The following DLG2 variants were observed in gnomAD, a reference collection of about 807,000 sequenced individuals.
DLG2 encodes disks large homolog 2.
DLG2 carries 45 observed loss-of-function variants against 132.5 expected under a neutral mutation model. The ratio of observed to expected loss-of-function variants is 0.34; its 90% CI spans 0.27 to 0.44. The LOEUF is 0.44. Ranked by LOEUF, DLG2 falls within the 20% of genes least tolerant of loss-of-function variation. DLG2 has a pLI of 1.00. For missense variants in DLG2, 1,045 were observed against 1,196.9 expected (o/e 0.87, Z 1.87); for synonymous variants, 424 against 419.6 (o/e 1.01, Z -0.13).
At chr11:84,819,358 C>T (rs1464325314) in intron 6 of DLG2, among the ~76,000 whole-genome samples, 2 of 151,886 alleles carry the variant, frequency 1.3e-5, no homozygotes, top group East Asian at 1.9e-4. Flanking sequence ...CCAGGACTTC[C>T]AGTGCATGTC....
intron 6 of DLG2, among the ~76,000 whole-genome samples, chr11:84,883,905 T>A (rs1444924113): frequency 6.6e-6 from 1 of 152,026 alleles, no homozygotes; most frequent in Non-Finnish European, 1.5e-5. Flanking sequence ...GAATTTTAAG[T>A]CCTTTTGGCA....
At chr11:83,875,717 A>G (rs1207113458) in intron 15 of DLG2, among the ~76,000 whole-genome samples, 3 of 152,192 alleles carry the variant, frequency 2.0e-5, no homozygotes, top group South Asian at 2.1e-4. Flanking sequence ...ATATATACAT[A>G]TATGTATAAA....
intron 3 of DLG2, chr11:85,336,362 A>AT (rs2082131061): frequency 1.3e-5 from 2 of 152,864 alleles, no homozygotes; most frequent in African/African-American, 4.8e-5. Flanking sequence ...TGCCATTGAG[A>AT]TCCCCCCCTG....
At chr11:85,602,021 T>C (rs645798) in intron 2 of DLG2, among the ~76,000 whole-genome samples, 26,622 of 152,198 alleles carry the variant, frequency 0.17, 2,985 homozygotes, top group Non-Finnish European at 0.25. Context: ...CATATCCAGC[T>C]GAATGCTCAA....
intron 6 of DLG2, among the ~76,000 whole-genome samples, chr11:84,757,572 T>A (rs11234159): frequency 1.3e-5 from 2 of 152,258 alleles, no homozygotes; most frequent in East Asian, 3.9e-4. Flanking sequence ...TTGCCTAATG[T>A]CCTCCAAAGA....
intron 6 of DLG2, among the ~76,000 whole-genome samples, chr11:84,555,644 G>A (rs892315530): frequency 1.1e-4 from 16 of 152,214 alleles, no homozygotes; most frequent in Non-Finnish European, 2.2e-4. Flanking sequence ...TAAAATGGTA[G>A]TTATCAGGGA....
In DLG2 at chr11:84,951,964, T is replaced by C. The variant is rs1048659187; in HGVS notation, c.357+159697A>G. Among the ~76,000 whole-genome samples, 4 of 152,300 alleles carry C rather than the reference T, an allele frequency of 2.6e-5. No individual in the cohort carries two copies. The East Asian group carries it at 7.7e-4, about 29-fold the overall frequency. Reference sequence around the variant, plus strand: ...GCTTGACTTACTGGGAAACCAGTCATTGAATATGTGGATTTAGAAACTGCA... The same window carrying C: ...GCTTGACTTACTGGGAAACCAGTCACTGAATATGTGGATTTAGAAACTGCA... On this transcript the variant is annotated intron_variant, in intron 6 of 27. Transcript: ENST00000376104.
intron 3 of DLG2, among the ~76,000 whole-genome samples, chr11:85,426,721 TCTC>T (rs1238568976): frequency 1.3e-5 from 2 of 151,898 alleles, no homozygotes; most frequent in Non-Finnish European, 2.9e-5. Flanking sequence ...TCAGAGCACC[TCTC>T]CTCCTCCAAA....
intron 7 of DLG2, among the ~76,000 whole-genome samples, chr11:84,406,668 T>C (rs1304010928): frequency 6.6e-6 from 1 of 152,214 alleles, no homozygotes. Flanking sequence ...GTTCAAAGAA[T>C]TCCTCTTGGC....
intron 6 of DLG2, among the ~76,000 whole-genome samples, chr11:85,044,434 T>C (rs1405409621): frequency 1.3e-5 from 2 of 152,056 alleles, no homozygotes; most frequent in African/African-American, 2.4e-5. Flanking sequence ...ATGGTATATA[T>C]GGCCCAATTT....
intron 6 of DLG2, among the ~76,000 whole-genome samples, chr11:84,772,137 CCAA>C (rs2069525396): frequency 6.6e-6 from 1 of 151,494 alleles, no homozygotes; most frequent in African/African-American, 2.4e-5. Context: ...AGACTTTAAA[CCAA>C]CAACAATAAA....
At chr11:84,758,715 A>G (rs766264802) in intron 6 of DLG2, among the ~76,000 whole-genome samples, 10 of 152,198 alleles carry the variant, frequency 6.6e-5, no homozygotes, top group Non-Finnish European at 1.3e-4. Context: ...AATATTACAT[A>G]AATCCTATGA....
At chr11:83,882,289 A>C (rs371465296) in intron 15 of DLG2, among the ~76,000 whole-genome samples, 4 of 152,088 alleles carry the variant, frequency 2.6e-5, no homozygotes, top group Non-Finnish European at 5.9e-5. Flanking sequence ...GAAGGAACAC[A>C]ATATGTTAAC....
At chr11:84,170,219 C>T (rs896868141) in intron 8 of DLG2, among the ~76,000 whole-genome samples, 1 of 152,164 alleles carries the variant, frequency 6.6e-6, no homozygotes, top group African/African-American at 2.4e-5. Flanking sequence ...AACAGCTGCC[C>T]TTTCCTGTGA....
chr11:85,077,778 G>A (rs2066740129), intron 6 of DLG2, among the ~76,000 whole-genome samples: 1 of 151,958 alleles, frequency 6.6e-6, no homozygotes, highest in Admixed American at 6.6e-5. Flanking sequence ...CTTTTTTCCT[G>A]CGTTACATAT....
intron 2 of DLG2, among the ~76,000 whole-genome samples, chr11:85,619,503 G>A (rs867036652): frequency 2.0e-5 from 3 of 151,798 alleles, no homozygotes; most frequent in Non-Finnish European, 4.4e-5. Flanking sequence ...TGGCTGTGAA[G>A]AGATTAAAAA....
chr11:83,839,063 G>T (rs1379643009), intron 16 of DLG2, among the ~76,000 whole-genome samples: 1 of 152,120 alleles, frequency 6.6e-6, no homozygotes, highest in African/African-American at 2.4e-5. Context: ...CCATCTGGGG[G>T]CATTTTGTTA....
chr11:84,297,004 C>G (rs1789769438), intron 7 of DLG2, among the ~76,000 whole-genome samples: 1 of 151,886 alleles, frequency 6.6e-6, no homozygotes, highest in Non-Finnish European at 1.5e-5. Flanking sequence ...GGATGATCTA[C>G]AGCCTGTGGT....
intron 8 of DLG2, among the ~76,000 whole-genome samples, chr11:84,200,944 C>T (rs2374497): frequency 6.6e-6 from 1 of 152,142 alleles, no homozygotes; most frequent in Non-Finnish European, 1.5e-5. Context: ...TTATTTCTTT[C>T]TCTTGCCTGA....
Sources: allele counts gnomAD v4.1 joint callset (sites outside exome capture counted in the v4.1 genomes callset), GRCh38; gene constraint gnomAD v4.1.1; transcripts MANE v1.5; gene names NCBI Gene and HGNC (gene_info 2026-07-23, HGNC 2026-07-21).